STXBP5: variants seen among roughly 807,000 people sequenced by gnomAD.
The protein encoded by STXBP5 is syntaxin binding protein 5.
Under a neutral mutation model 152.4 loss-of-function variants are expected in STXBP5, and 50 were observed. The observed-to-expected ratio is 0.33, with a 90% CI of 0.26 to 0.42. STXBP5 has a LOEUF of 0.42. Among genes scored for constraint, STXBP5 ranks in the 10% least tolerant of loss-of-function variants. The probability of loss-of-function intolerance (pLI) is 1.00; values close to 1 mark genes in which losing one functional copy is unlikely to be tolerated. For synonymous variants in STXBP5, 492 were observed against 494.7 expected, an observed-to-expected ratio of 0.99 and a Z score of 0.07; for missense variants, 1,167 against 1,388.6, an observed-to-expected ratio of 0.84 and a Z score of 2.54.
chr6:147,370,863 A>G (rs1463294567), intron 25 of STXBP5, among the ~76,000 whole-genome samples: 1 of 152,078 alleles, frequency 6.6e-6, no homozygotes, highest in Non-Finnish European at 1.5e-5. Flanking sequence ...CTCTTACAAT[A>G]TAAAGTTTTC....
intron 7 of STXBP5, among the ~76,000 whole-genome samples, chr6:147,276,293 T>A (rs1481112353): frequency 6.6e-6 from 1 of 152,180 alleles, no homozygotes; most frequent in Non-Finnish European, 1.5e-5. Flanking sequence ...TGCATGTCCA[T>A]ATTTGGTTAT....
chr6:147,358,394 G>T (rs1784904858), intron 22 of STXBP5, among the ~76,000 whole-genome samples: 2 of 152,160 alleles, frequency 1.3e-5, no homozygotes, highest in Non-Finnish European at 2.9e-5. Context: ...AAGCAGCCAG[G>T]ACCCCAAGGA....
intron 2 of STXBP5, among the ~76,000 whole-genome samples, chr6:147,217,829 A>C (rs1033809064): frequency 3.3e-5 from 5 of 152,178 alleles, no homozygotes; most frequent in African/African-American, 4.8e-5. Flanking sequence ...AAAATGTTAC[A>C]GTTGTCTTGA....
Position 147,384,396 on chromosome 6 carries a change from G to A in STXBP5, c.3415-318G>A, listed in dbSNP as rs531721244. ...GAGTAGCATTTTCAACCTTTAATTC[G>A]CCAGTTCTTCAAGCATTATTTTTAA... On this transcript the variant is annotated intron_variant, in intron 27 of 27. Transcript: ENST00000321680. 5.9e-5 allele frequency among the ~76,000 whole-genome samples: 9 copies of A among 152,148 alleles called. No homozygotes were observed. The East Asian group carries it at 9.7e-4, about 16-fold the overall frequency.
intron 22 of STXBP5, among the ~76,000 whole-genome samples, chr6:147,356,485 C>G (rs937169687): frequency 2.0e-5 from 3 of 151,610 alleles, no homozygotes; most frequent in Non-Finnish European, 2.9e-5. Context: ...TCATTTCAAA[C>G]TGTATTGAGG....
intron 9 of STXBP5, 144 bp from the exon 10 acceptor site, chr6:147,309,939 AT>A: frequency 1.9e-6 from 1 of 526,886 alleles, no homozygotes; most frequent in South Asian, 5.9e-5. Flanking sequence ...CCAATTAAAA[AT>A]TCCATGAGAC....
At chr6:147,346,958 CAG>C (rs1179866619) in intron 21 of STXBP5, among the ~76,000 whole-genome samples, 1 of 152,130 alleles carries the variant, frequency 6.6e-6, no homozygotes, top group Non-Finnish European at 1.5e-5. Flanking sequence ...CTTTCTGCGA[CAG>C]AGCACGTTCC....
intron 16 of STXBP5, among the ~76,000 whole-genome samples, chr6:147,317,324 GA>G (rs1341121878): frequency 1.3e-5 from 2 of 152,084 alleles, no homozygotes; most frequent in Non-Finnish European, 2.9e-5. Context: ...AAAACGGATA[GA>G]TTTTTTTTAT....
At chr6:147,220,315 T>A (rs538370283) in intron 2 of STXBP5, among the ~76,000 whole-genome samples, 1 of 152,258 alleles carries the variant, frequency 6.6e-6, no homozygotes, top group East Asian at 1.9e-4. Flanking sequence ...TTGGTTAATG[T>A]TCCATGTGAG....
chr6:147,263,447 A>G (rs1779741821), intron 6 of STXBP5, among the ~76,000 whole-genome samples: 1 of 150,114 alleles, frequency 6.7e-6, no homozygotes, highest in Non-Finnish European at 1.5e-5. Context: ...CTGCCTTGTA[A>G]TCCCAAACTG....
intron 25 of STXBP5, among the ~76,000 whole-genome samples, chr6:147,372,948 C>G (rs1278377790): frequency 6.6e-6 from 1 of 152,112 alleles, no homozygotes; most frequent in African/African-American, 2.4e-5. Flanking sequence ...AATTCTCTTC[C>G]TAGCATGTGT....
At chr6:147,360,999 A>G (rs1785040031) in intron 23 of STXBP5, among the ~76,000 whole-genome samples, 1 of 152,202 alleles carries the variant, frequency 6.6e-6, no homozygotes, top group Non-Finnish European at 1.5e-5. Context: ...ATTTTGCTCT[A>G]TAAGTGCTTG....
chr6:147,347,588 A>G (rs1784395423), intron 21 of STXBP5, among the ~76,000 whole-genome samples: 1 of 152,210 alleles, frequency 6.6e-6, no homozygotes, highest in Non-Finnish European at 1.5e-5. Flanking sequence ...ATACAAATCA[A>G]GAAGAAGGAA....
At position 147,329,382 on chromosome 6, in the gene STXBP5, G is replaced by C. The variant is rs1231578413; in HGVS notation, c.2080+2106G>C. On this transcript the variant is annotated intron_variant, in intron 18 of 27. Coordinates refer to ENST00000321680, the MANE Select transcript of STXBP5 (RefSeq NM_001127715.4). The stretch of plus-strand genomic sequence containing the variant: ...TATGTCTCGCTTTGTCAATATTTAG[G>C]GTTGTGTTTTAAATAAAAATTAAAA... Among the ~76,000 whole-genome samples, 5 of 149,500 alleles carry C rather than the reference G, an allele frequency of 3.3e-5. No individual in the cohort carries two copies. The South Asian group carries it at 1.0e-3, about 31-fold the overall frequency.
At chr6:147,227,753 T>A (rs759667131) in intron 2 of STXBP5, among the ~76,000 whole-genome samples, 10 of 152,204 alleles carry the variant, frequency 6.6e-5, no homozygotes, top group Non-Finnish European at 1.2e-4. Context: ...TAATATAAAC[T>A]TTTAGTTTGA....
chr6:147,303,592 G>A (rs1403024304), intron 9 of STXBP5, among the ~76,000 whole-genome samples: 1 of 152,184 alleles, frequency 6.6e-6, no homozygotes, highest in East Asian at 1.9e-4. Flanking sequence ...TATGGAACTG[G>A]GTAACACGCA....
intron 3 of STXBP5, 134 bp from the exon 4 acceptor site, chr6:147,239,036 A>G (rs954019628): frequency 2.8e-5 from 20 of 708,252 alleles, no homozygotes; most frequent in Non-Finnish European, 4.5e-5. Flanking sequence ...TGAATGAGGC[A>G]AATGTTTCTT....
intron 21 of STXBP5, among the ~76,000 whole-genome samples, chr6:147,350,723 A>G (rs1259941238): frequency 1.3e-5 from 2 of 152,178 alleles, no homozygotes; most frequent in Admixed American, 1.3e-4. Context: ...GCTCATCTGT[A>G]TAGTGTTTTA....
intron 2 of STXBP5, among the ~76,000 whole-genome samples, chr6:147,209,529 G>C (rs1582785236): frequency 6.6e-6 from 1 of 151,804 alleles, no homozygotes. Context: ...TAAAAATGAA[G>C]GTGCAGTATT....
Sources: gnomAD v4.1 joint callset for allele counts (sites outside exome capture counted in the v4.1 genomes callset) on GRCh38, gnomAD v4.1.1 for gene constraint, MANE v1.5 for transcripts, NCBI Gene and HGNC (gene_info 2026-07-23, HGNC 2026-07-21) for gene names.